DPP10: variants seen among roughly 807,000 people sequenced by gnomAD.
DPP10 encodes inactive dipeptidyl peptidase 10.
In DPP10, 33 loss-of-function variants were observed where a neutral mutation model predicts 120.9. The observed-to-expected ratio is 0.27, with a 90% CI of 0.21 to 0.37. DPP10 has a LOEUF of 0.37. Ranked by LOEUF, DPP10 falls within the 10% of genes least tolerant of loss-of-function variation. The pLI is 1.00. For synonymous variants in DPP10, 337 were observed against 326.1 expected (o/e 1.03, Z -0.36); for missense variants, 816 against 942.8 (o/e 0.87, Z 1.76).
At chr2:115,814,344 T>C (rs1364647034) in intron 19 of DPP10, among the ~76,000 whole-genome samples, 1 of 152,178 alleles carries the variant, frequency 6.6e-6, no homozygotes, top group Admixed American at 6.5e-5. Flanking sequence ...CATTTCCTGT[T>C]AAATTATTAT....
chr2:115,002,811 A>T (rs1467124851), intron 1 of DPP10, among the ~76,000 whole-genome samples: 1 of 152,182 alleles, frequency 6.6e-6, no homozygotes, highest in Non-Finnish European at 1.5e-5. Context: ...CGACAATGAG[A>T]TACCATCTCA....
chr2:114,840,183 G>A (rs1171685532), intron 1 of DPP10, among the ~76,000 whole-genome samples: 4 of 152,254 alleles, frequency 2.6e-5, no homozygotes, highest in Admixed American at 2.6e-4. Flanking sequence ...TACTTTGTGA[G>A]CTGGCTCTTG....
intron 1 of DPP10, among the ~76,000 whole-genome samples, chr2:114,721,739 C>G (rs1276408233): frequency 1.3e-5 from 2 of 152,206 alleles, no homozygotes; most frequent in African/African-American, 2.4e-5. Flanking sequence ...CCTTCACACT[C>G]AGTATCACAT....
At chr2:114,578,280 A>G (rs968300795) in intron 1 of DPP10, among the ~76,000 whole-genome samples, 2 of 152,214 alleles carry the variant, frequency 1.3e-5, no homozygotes, top group African/African-American at 4.8e-5. Context: ...AATAAAATGA[A>G]ATACCATATG....
At chr2:114,548,352 C>T (rs936927579) in intron 1 of DPP10, among the ~76,000 whole-genome samples, 13 of 152,178 alleles carry the variant, frequency 8.5e-5, no homozygotes, top group Non-Finnish European at 1.5e-4. Flanking sequence ...TCCAGTGACA[C>T]AGCCTCAAAA....
At chr2:115,762,660 C>A in intron 12 of DPP10, 50 bp downstream of exon 12, 4 of 1,600,800 alleles carry the variant, frequency 2.5e-6, no homozygotes, top group Non-Finnish European at 3.4e-6. Context: ...CCATCCTGTT[C>A]ACCCATTTTT....
chr2:115,009,842 A>C (rs1702134562), intron 1 of DPP10, among the ~76,000 whole-genome samples: 2 of 152,198 alleles, frequency 1.3e-5, no homozygotes, highest in Non-Finnish European at 2.9e-5. Flanking sequence ...GACTGTATTC[A>C]ATTACCATGA....
chr2:114,829,628 C>T (rs370713672), intron 1 of DPP10, among the ~76,000 whole-genome samples: 1 of 151,734 alleles, frequency 6.6e-6, no homozygotes, highest in South Asian at 2.1e-4. Flanking sequence ...CCTCCCGTCT[C>T]AGCCTCCCAA....
At chr2:115,408,406 G>A (rs1041949784) in intron 3 of DPP10, among the ~76,000 whole-genome samples, 6 of 152,102 alleles carry the variant, frequency 3.9e-5, no homozygotes, top group African/African-American at 1.4e-4. Context: ...GGCTGTTTTA[G>A]TCTTGAAGGT....
intron 5 of DPP10, among the ~76,000 whole-genome samples, chr2:115,617,776 A>T (rs920925570): frequency 6.6e-6 from 1 of 152,130 alleles, no homozygotes; most frequent in Admixed American, 6.5e-5. Flanking sequence ...ATGTACCCCC[A>T]TCATTAAGTA....
intron 1 of DPP10, among the ~76,000 whole-genome samples, chr2:114,852,434 G>A (rs1226236070): frequency 6.6e-6 from 1 of 151,812 alleles, no homozygotes; most frequent in Admixed American, 6.6e-5. Context: ...TAAACATATA[G>A]AGACTTTTTT....
At chr2:114,576,262 C>T (rs1690040218) in intron 1 of DPP10, among the ~76,000 whole-genome samples, 1 of 152,042 alleles carries the variant, frequency 6.6e-6, no homozygotes, top group Non-Finnish European at 1.5e-5. Context: ...CATCCAGGGA[C>T]CAGTAATAGT....
intron 7 of DPP10, among the ~76,000 whole-genome samples, chr2:115,723,706 A>T (rs1166323619): frequency 2.7e-5 from 4 of 147,520 alleles, no homozygotes; most frequent in African/African-American, 1.0e-4. Flanking sequence ...TTGCCATTTT[A>T]TATTCCCAAA....
intron 1 of DPP10, among the ~76,000 whole-genome samples, chr2:114,954,150 G>A (rs911060785): frequency 1.2e-4 from 17 of 138,920 alleles, no homozygotes; most frequent in African/African-American, 4.6e-4. Flanking sequence ...GTGCTATCTC[G>A]GCTCACTGCA....
At chr2:114,732,221 C>A (rs898736423) in intron 1 of DPP10, among the ~76,000 whole-genome samples, 2 of 152,176 alleles carry the variant, frequency 1.3e-5, no homozygotes, top group African/African-American at 4.8e-5. Flanking sequence ...CTGCTTAGTT[C>A]TAGACCTCCT....
chr2:115,594,575 A>C (rs1383631735), intron 5 of DPP10, among the ~76,000 whole-genome samples: 1 of 152,180 alleles, frequency 6.6e-6, no homozygotes, highest in Non-Finnish European at 1.5e-5. Flanking sequence ...TTAGCTCTCC[A>C]GTGAAAGTTC....
chr2:115,059,685 G>GAAAAAA (rs34515129), intron 1 of DPP10, among the ~76,000 whole-genome samples: 11 of 116,308 alleles, frequency 9.5e-5, no homozygotes, highest in African/African-American at 1.7e-4. Context: ...ACCTCAACAG[G>GAAAAAA]AAAAAAAAAA....
chr2:114,485,714 T>A (rs925980862), intron 1 of DPP10, among the ~76,000 whole-genome samples: 12 of 152,086 alleles, frequency 7.9e-5, no homozygotes, highest in Admixed American at 7.2e-4. Flanking sequence ...TCCTCCCCTA[T>A]CTCCTCCTCC....
chr2:114,483,414 G>C (rs985438169), intron 1 of DPP10, among the ~76,000 whole-genome samples: 4 of 151,808 alleles, frequency 2.6e-5, no homozygotes, highest in Admixed American at 2.6e-4. Flanking sequence ...GTTAAAACAA[G>C]TACCATAAAG....
Sources: gnomAD v4.1 joint callset for allele counts (sites outside exome capture counted in the v4.1 genomes callset) on GRCh38, gnomAD v4.1.1 for gene constraint, MANE v1.5 for transcripts, NCBI Gene and HGNC (gene_info 2026-07-23, HGNC 2026-07-21) for gene names.